The following FUT8 variants were observed in gnomAD, a reference collection of about 807,000 sequenced individuals.
FUT8 encodes the protein alpha-(1,6)-fucosyltransferase.
FUT8 carries 29 observed loss-of-function variants against 71.3 expected under a neutral mutation model. The observed-to-expected ratio is 0.41, with a 90% CI of 0.30 to 0.55. FUT8 has a LOEUF of 0.55. Among genes scored for constraint, FUT8 ranks in the 20% least tolerant of loss-of-function variants. The pLI is 0.34. For synonymous variants in FUT8, 254 were observed against 239.3 expected (o/e 1.06, Z -0.57); for missense variants, 544 against 702.1 (o/e 0.77, Z 2.55).
chr14:65,555,474 T>C (rs962145342), intron 2 of FUT8, among the ~76,000 whole-genome samples: 13 of 152,182 alleles, frequency 8.5e-5, no homozygotes, highest in African/African-American at 3.1e-4. Flanking sequence ...TTAAAGGATC[T>C]CCTATGCAAA....
intron 3 of FUT8, among the ~76,000 whole-genome samples, chr14:65,604,154 GTAA>G (rs1242149944): frequency 6.6e-6 from 1 of 151,570 alleles, no homozygotes; most frequent in Non-Finnish European, 1.5e-5. Context: ...AACAAAATAA[GTAA>G]TAATAATAAC....
chr14:65,573,200 G>A (rs749787676), intron 3 of FUT8, among the ~76,000 whole-genome samples: 15 of 151,912 alleles, frequency 9.9e-5, no homozygotes, highest in African/African-American at 2.9e-4. Context: ...TTCTTTTCCC[G>A]TTCATTTCAA....
At chr14:65,564,968 C>T (rs1349149870) in intron 3 of FUT8, among the ~76,000 whole-genome samples, 1 of 151,882 alleles carries the variant, frequency 6.6e-6, no homozygotes, top group South Asian at 2.1e-4. Context: ...ATACCTGACA[C>T]TGGATAGTTT....
intron 2 of FUT8, among the ~76,000 whole-genome samples, chr14:65,477,674 T>G (rs72714451): frequency 0.034 from 5,233 of 152,236 alleles, 146 homozygotes; most frequent in Admixed American, 0.065. Flanking sequence ...AATAAGCTGT[T>G]GGTCAGCTTC....
chr14:65,615,964 T>C lies in FUT8; in HGVS notation c.204-14T>C. ...TGAAAGCTAAATGTTTACATTATCTTCCCTAAACTACAGGATACCAGAAGG... is the reference window on the plus strand; with the variant it reads ...TGAAAGCTAAATGTTTACATTATCTCCCCTAAACTACAGGATACCAGAAGG... On this transcript the variant is annotated splice_polypyrimidine_tract_variant and intron_variant, in intron 3 of 10. Transcript: ENST00000673929. The C allele has an allele frequency of 6.4e-7, 1 of 1,566,036 alleles. No individual in the cohort carries two copies. The highest frequency in any genetic ancestry group is 2.2e-5 in the East Asian group (1 of 44,452).
At chr14:65,387,555 T>C in the FUT8 span, among the ~76,000 whole-genome samples, 3 of 152,314 alleles carry the variant, frequency 2.0e-5, no homozygotes, top group South Asian at 6.2e-4. Flanking sequence ...GAATTCAAAA[T>C]GGTAACAGGC....
intron 3 of FUT8, among the ~76,000 whole-genome samples, chr14:65,563,003 A>G (rs1885995799): frequency 6.6e-6 from 1 of 151,972 alleles, no homozygotes; most frequent in South Asian, 2.1e-4. Flanking sequence ...TCTTCATAAT[A>G]TTATTTGGGT....
chr14:65,721,954 C>T lies in FUT8; in HGVS notation c.1015C>T (p.Gln339Ter). 6.2e-7 allele frequency: 1 copy of T among 1,614,202 alleles called. No individual in the cohort carries two copies. Among genetic ancestry groups the T allele is most frequent in the Non-Finnish European group, 8.5e-7 (1 of 1,180,034 alleles). ...SQFVKYLIRP[Q>*]PWLEKEIEEA... ...GTTTGTCAAATACTTGATCCGCCCA[C>T]AGCCTTGGCTAGAAAAAGAAATAGA... Residue 339 changes from glutamine to a stop codon, truncating the protein, a stop_gained, in exon 8 of 11, where the codon CAG becomes TAG. Transcript: ENST00000673929. LOFTEE classifies it high-confidence loss of function.
intron 2 of FUT8, among the ~76,000 whole-genome samples, chr14:65,460,569 G>C (rs2065956294): frequency 6.6e-6 from 1 of 152,100 alleles, no homozygotes; most frequent in African/African-American, 2.4e-5. Context: ...GTAGTAAACT[G>C]TTCTTTGTTT....
At chr14:65,521,704 A>C (rs980405152) in intron 2 of FUT8, among the ~76,000 whole-genome samples, 1 of 152,228 alleles carries the variant, frequency 6.6e-6, no homozygotes, top group African/African-American at 2.4e-5. Flanking sequence ...TTAAAAAAAT[A>C]CATTTTTTTG....
At chr14:65,523,926 A>G (rs1331869597) in intron 2 of FUT8, among the ~76,000 whole-genome samples, 1 of 151,980 alleles carries the variant, frequency 6.6e-6, no homozygotes, top group Non-Finnish European at 1.5e-5. Context: ...TGTTCCATTG[A>G]TCTATATCTC....
chr14:65,579,442 T>C (rs1352974456), intron 3 of FUT8, among the ~76,000 whole-genome samples: 4 of 152,312 alleles, frequency 2.6e-5, no homozygotes, highest in African/African-American at 9.6e-5. Flanking sequence ...GATATATCTG[T>C]ATAAGCATAT....
intron 10 of FUT8, among the ~76,000 whole-genome samples, chr14:65,737,090 G>A (rs530143817): frequency 3.6e-4 from 55 of 152,132 alleles, no homozygotes; most frequent in African/African-American, 1.3e-3. Flanking sequence ...GACCTTAATC[G>A]GGATTTCTCA....
chr14:65,609,102 C>A (rs1356684851), intron 3 of FUT8, among the ~76,000 whole-genome samples: 1 of 151,734 alleles, frequency 6.6e-6, no homozygotes, highest in East Asian at 1.9e-4. Context: ...GAAGACCAGC[C>A]TGGCCAACAT....
intron 2 of FUT8, among the ~76,000 whole-genome samples, chr14:65,533,907 T>C (rs1292911637): frequency 1.3e-5 from 2 of 152,234 alleles, no homozygotes; most frequent in South Asian, 2.1e-4. Context: ...TCTGTAGTTA[T>C]AGTTGTGTGA....
intron 7 of FUT8, among the ~76,000 whole-genome samples, chr14:65,677,163 T>TGCGCAC (rs1892792823): frequency 8.8e-6 from 1 of 113,250 alleles, no homozygotes; most frequent in Non-Finnish European, 1.7e-5. Flanking sequence ...CGCGCGCGCA[T>TGCGCAC]GCGCGCGCAC....
At chr14:65,699,198 A>G (rs950756609) in intron 7 of FUT8, among the ~76,000 whole-genome samples, 1 of 145,910 alleles carries the variant, frequency 6.9e-6, no homozygotes, top group Admixed American at 7.0e-5. Flanking sequence ...ACACACACAC[A>G]CGCCCATGCA....
Position 65,742,659 on chromosome 14 carries a change from A to G in FUT8, c.*249A>G. On this transcript the variant is annotated 3_prime_UTR_variant, in exon 11 of 11. Coordinates refer to ENST00000673929, the MANE Select transcript of FUT8 (RefSeq NM_001371533.1). The stretch of plus-strand genomic sequence containing the variant: ...ATGTACTCACATATAACATGCAAAC[A>G]GGTTGTTTTCTACTTTGCCCCTTTC... The G allele has an allele frequency of 2.5e-6, 1 of 405,906 alleles. No individual in the cohort carries two copies. Among genetic ancestry groups the G allele is most frequent in the South Asian group, 4.9e-5 (1 of 20,606 alleles). The allele number at this position is 405,906 out of a possible 1,614,324, so 25.1% of individuals were successfully genotyped here.
At chr14:65,738,662 A>T (rs191517682) in intron 10 of FUT8, among the ~76,000 whole-genome samples, 17 of 152,208 alleles carry the variant, frequency 1.1e-4, no homozygotes, top group Admixed American at 1.1e-3. Context: ...TTTACCTGCC[A>T]TGTGATTTGA....
Sources: gnomAD v4.1 joint callset for allele counts (sites outside exome capture counted in the v4.1 genomes callset) on GRCh38, gnomAD v4.1.1 for gene constraint, MANE v1.5 for transcripts, NCBI Gene and HGNC (gene_info 2026-07-23, HGNC 2026-07-21) for gene names.